The following FRMD3 variants were observed in gnomAD, a reference collection of about 807,000 sequenced individuals.
FRMD3 encodes FERM domain-containing protein 3.
A neutral mutation model predicts 70.2 loss-of-function variants in FRMD3; 33 were observed. That is an observed-to-expected ratio of 0.47 (90% CI 0.36 to 0.63). The LOEUF is 0.63. Ranked by LOEUF, FRMD3 falls within the 20% of genes least tolerant of loss-of-function variation. FRMD3 has a pLI of 0.00. For synonymous variants in FRMD3, 279 were observed against 255.9 expected (o/e 1.09, Z -0.86); for missense variants, 632 against 711.4 (o/e 0.89, Z 1.27).
At position 83,444,101 on chromosome 9, in the gene FRMD3, T is replaced by C. The variant is rs558165597; in HGVS notation, c.148-54393A>G. Among the ~76,000 whole-genome samples, 72 of 152,356 alleles carry C rather than the reference T, an allele frequency of 4.7e-4. 3 individuals are homozygous for C. The South Asian group carries it at 0.015, about 31-fold the overall frequency. ...TACTTCACACTTAGTGCTGGTGATG[T>C]TCCTTCAACATTGTGAACAGGCAAC... On this transcript the variant is annotated intron_variant, in intron 1 of 13. Transcript: ENST00000304195.
At chr9:83,382,549 T>A (rs1172840260) in intron 2 of FRMD3, among the ~76,000 whole-genome samples, 1 of 152,180 alleles carries the variant, frequency 6.6e-6, no homozygotes, top group Non-Finnish European at 1.5e-5. Flanking sequence ...GAGATAGGAT[T>A]TGCCCTGGTC....
intron 13 of FRMD3, among the ~76,000 whole-genome samples, chr9:83,286,751 G>T (rs1392383854): frequency 1.3e-5 from 2 of 152,130 alleles, no homozygotes; most frequent in Non-Finnish European, 2.9e-5. Flanking sequence ...TCCAGATGGG[G>T]AACAGTGATA....
At chr9:83,256,875 ATGCTGT>A (rs897842596) in intron 13 of FRMD3, among the ~76,000 whole-genome samples, 7 of 152,332 alleles carry the variant, frequency 4.6e-5, no homozygotes, top group African/African-American at 1.7e-4. Flanking sequence ...AAAATGACAA[ATGCTGT>A]CAAGGTTGCA....
the FRMD3 span, among the ~76,000 whole-genome samples, chr9:83,567,815 T>G: frequency 1.3e-5 from 2 of 152,222 alleles, no homozygotes; most frequent in East Asian, 3.8e-4. Context: ...ACTATCAGCA[T>G]TTTTGTCAAA....
At chr9:83,523,023 G>C (rs1323377693) in intron 1 of FRMD3, among the ~76,000 whole-genome samples, 1 of 152,114 alleles carries the variant, frequency 6.6e-6, no homozygotes, top group Non-Finnish European at 1.5e-5. Flanking sequence ...TGCTGAATCT[G>C]TTTATGTGTC....
chr9:83,542,970 A>G (rs2131574441), upstream of FRMD3, among the ~76,000 whole-genome samples: 1 of 152,316 alleles, frequency 6.6e-6, no homozygotes, highest in South Asian at 2.1e-4. Flanking sequence ...TCATTGACTC[A>G]CATGTAAACA....
chr9:83,290,793 G>A (rs974725835), intron 12 of FRMD3, 66 bp from the exon 13 acceptor site: 34 of 1,528,634 alleles, frequency 2.2e-5, no homozygotes, highest in African/African-American at 2.1e-4. Flanking sequence ...CCATCTCAGC[G>A]GGCTGCCCAA....
At chr9:83,567,489 A>C in the FRMD3 span, among the ~76,000 whole-genome samples, 3 of 152,316 alleles carry the variant, frequency 2.0e-5, no homozygotes, top group South Asian at 6.2e-4. Context: ...ATTTCTCCTC[A>C]AAAAATGGGT....
At chr9:83,402,532 C>G (rs1453403831) in intron 1 of FRMD3, among the ~76,000 whole-genome samples, 1 of 151,838 alleles carries the variant, frequency 6.6e-6, no homozygotes, top group South Asian at 2.1e-4. Flanking sequence ...ACCATTTACA[C>G]AGTTAGCTAG....
At position 83,481,517 on chromosome 9, in the gene FRMD3, A is replaced by T. The variant is rs1828566429; in HGVS notation, c.147+56568T>A. Among the ~76,000 whole-genome samples the T allele has an allele frequency of 4.6e-5, 7 of 152,230 alleles. No individual in the cohort carries two copies. In the South Asian group the frequency reaches 1.4e-3, roughly 31 times the overall value. ...ACTACAATAGCACCATGAAAGAACG[A>T]TTAACATATGATCATATAAACTACA... On this transcript the variant is annotated intron_variant, in intron 1 of 13. Transcript: ENST00000304195.
chr9:83,389,888 C>T (rs142271384), intron 1 of FRMD3, among the ~76,000 whole-genome samples, 180 bp from the exon 2 acceptor site: 26 of 152,200 alleles, frequency 1.7e-4, no homozygotes, highest in Non-Finnish European at 3.4e-4. Context: ...ATACATTTTA[C>T]ATCATGAGCC....
At chr9:83,432,689 A>G (rs533960278) in intron 1 of FRMD3, among the ~76,000 whole-genome samples, 97 of 152,252 alleles carry the variant, frequency 6.4e-4, no homozygotes, top group Non-Finnish European at 1.2e-3. Context: ...TAAAAGGAAT[A>G]TAAGTTTAAT....
chr9:83,549,304 A>G, the FRMD3 span, among the ~76,000 whole-genome samples: 1 of 152,176 alleles, frequency 6.6e-6, no homozygotes. Context: ...TTATGACTGC[A>G]TAATATTCCA....
the FRMD3 span, among the ~76,000 whole-genome samples, chr9:83,569,733 C>CA: frequency 3.8e-4 from 58 of 152,294 alleles, 1 homozygote; most frequent in East Asian, 9.3e-3. Context: ...TACGTGTTTT[C>CA]AAAACGGCTA....
intron 13 of FRMD3, among the ~76,000 whole-genome samples, chr9:83,272,721 A>G (rs554383913): frequency 0.22 from 29,311 of 133,374 alleles, 3,560 homozygotes; most frequent in African/African-American, 0.36. Flanking sequence ...CCGCCATCCC[A>G]TCTAGGAAGT....
chr9:83,255,129 C>T (rs1832640252), intron 13 of FRMD3, among the ~76,000 whole-genome samples: 1 of 152,164 alleles, frequency 6.6e-6, no homozygotes, highest in Admixed American at 6.5e-5. Context: ...CAAAACTCCT[C>T]AATAAAATAC....
intron 13 of FRMD3, among the ~76,000 whole-genome samples, chr9:83,264,997 G>A (rs1833175103): frequency 6.6e-6 from 1 of 151,990 alleles, no homozygotes; most frequent in Non-Finnish European, 1.5e-5. Context: ...AATAAAAACA[G>A]GAAACACTTT....
chr9:83,578,895 G>A, the FRMD3 span, among the ~76,000 whole-genome samples: 1 of 151,924 alleles, frequency 6.6e-6, no homozygotes, highest in African/African-American at 2.4e-5. Context: ...GTTTGCTGAT[G>A]ACATGATCAT....
intron 6 of FRMD3, among the ~76,000 whole-genome samples, chr9:83,323,741 C>A (rs1025108066): frequency 2.0e-5 from 3 of 152,162 alleles, no homozygotes; most frequent in Non-Finnish European, 4.4e-5. Context: ...GGCTAAAATA[C>A]CAGATATAAA....
Sources: gnomAD v4.1 joint callset for allele counts (sites outside exome capture counted in the v4.1 genomes callset) on GRCh38, gnomAD v4.1.1 for gene constraint, MANE v1.5 for transcripts, NCBI Gene and HGNC (gene_info 2026-07-23, HGNC 2026-07-21) for gene names.